The following CPLX2 variants were observed in gnomAD, a reference collection of about 807,000 sequenced individuals.
CPLX2 encodes the protein complexin-2.
Under a neutral mutation model 16.3 loss-of-function variants are expected in CPLX2, and 5 were observed. The ratio of observed to expected loss-of-function variants is 0.31; its 90% CI spans 0.16 to 0.64. The LOEUF (loss-of-function observed/expected upper bound fraction) is 0.64. CPLX2 is among the 30% of genes least tolerant of loss of function. CPLX2 has a pLI of 0.79. For missense variants in CPLX2, 144 were observed against 181.4 expected, an observed-to-expected ratio of 0.79 and a Z score of 1.18; for synonymous variants, 89 against 73.2, an observed-to-expected ratio of 1.22 and a Z score of -1.10.
chr5:175,821,195 AG>A (rs1167132213), intron 2 of CPLX2, among the ~76,000 whole-genome samples: 11 of 151,974 alleles, frequency 7.2e-5, no homozygotes, highest in Non-Finnish European at 1.3e-4. Context: ...CCCCATCCCC[AG>A]GGGCAAGGGC....
intron 1 of CPLX2, among the ~76,000 whole-genome samples, chr5:175,802,615 A>G (rs1561767330): frequency 6.6e-6 from 1 of 152,156 alleles, no homozygotes; most frequent in Non-Finnish European, 1.5e-5. Flanking sequence ...TGGCTCTCAC[A>G]TCAGGAACAC....
At chr5:175,873,234 G>A (rs1426806792) in intron 1 of CPLX2, among the ~76,000 whole-genome samples, 1 of 146,946 alleles carries the variant, frequency 6.8e-6, no homozygotes, top group Non-Finnish European at 1.5e-5. Flanking sequence ...CTGGACCTCA[G>A]CACTCCCGCA....
chr5:175,875,238 G>T (rs1759729978), intron 1 of CPLX2, among the ~76,000 whole-genome samples: 1 of 152,172 alleles, frequency 6.6e-6, no homozygotes, highest in Non-Finnish European at 1.5e-5. Flanking sequence ...TTTAGGGAAG[G>T]AGTTAGAGAA....
intron 1 of CPLX2, among the ~76,000 whole-genome samples, chr5:175,799,544 A>ATATATTTT (rs1238771061): frequency 4.2e-5 from 4 of 94,482 alleles, no homozygotes; most frequent in African/African-American, 1.6e-4. Flanking sequence ...AATTTCATAT[A>ATATATTTT]TATATATATA....
intron 2 of CPLX2, among the ~76,000 whole-genome samples, chr5:175,864,281 G>A (rs921139888): frequency 6.6e-6 from 1 of 152,178 alleles, no homozygotes; most frequent in African/African-American, 2.4e-5. Flanking sequence ...CGTGGCCAGT[G>A]CCCATGGCTG....
At chr5:175,867,968 T>C (rs887532501), upstream of CPLX2, among the ~76,000 whole-genome samples, 3 of 152,210 alleles carry the variant, frequency 2.0e-5, no homozygotes, top group Admixed American at 2.0e-4. Context: ...AGAGCCCTTC[T>C]CTGTGTACCA....
At chr5:175,859,214 T>C (rs545911285) in intron 2 of CPLX2, among the ~76,000 whole-genome samples, 4 of 152,306 alleles carry the variant, frequency 2.6e-5, no homozygotes, top group African/African-American at 9.6e-5. Flanking sequence ...CTTGATGACT[T>C]GGAATCAGGA....
At chr5:175,874,399 C>T (rs1400188159) in intron 1 of CPLX2, among the ~76,000 whole-genome samples, 1 of 152,184 alleles carries the variant, frequency 6.6e-6, no homozygotes, top group Non-Finnish European at 1.5e-5. Context: ...TCTACCTCCC[C>T]AGCCCAACTG....
In CPLX2 at chr5:175,849,589, C is replaced by T. The variant is rs972070183; in HGVS notation, c.-88-29063C>T. ...TGCTACCACGCTGGACAGGGGACCACACTGGCTGGGGGAGCCTTCTCAGGG... is the reference window on the plus strand; with the variant it reads ...TGCTACCACGCTGGACAGGGGACCATACTGGCTGGGGGAGCCTTCTCAGGG... On this transcript the variant is annotated intron_variant, in intron 2 of 4. Transcript: ENST00000359546. This position sits in a 1 kb window ranked among gnomAD's most constrained non-coding sequence, Gnocchi z 4.4. 1.3e-5 allele frequency among the ~76,000 whole-genome samples: 2 copies of T among 152,212 alleles called. No individual in the cohort carries two copies. Among genetic ancestry groups the T allele is most frequent in the Admixed American group, 1.3e-4 (2 of 15,290 alleles).
intron 2 of CPLX2, chr5:175,837,949 G>A (rs1035265246): frequency 3.3e-5 from 5 of 152,170 alleles, no homozygotes; most frequent in African/African-American, 1.2e-4. Flanking sequence ...TTAAAAATAA[G>A]CAAATAAGCA....
intron 2 of CPLX2, among the ~76,000 whole-genome samples, chr5:175,814,887 G>A (rs1167478607): frequency 6.6e-6 from 1 of 152,186 alleles, no homozygotes; most frequent in Non-Finnish European, 1.5e-5. Context: ...GAGACAGCTG[G>A]CTTGGCGTGG....
rs1333279272 is a variant in CPLX2, at chr5:175,872,822, T to A, written c.-89+1117T>A. On this transcript the variant is annotated intron_variant, in intron 1 of 3. Coordinates refer to ENST00000393745, the MANE Select transcript of CPLX2 (RefSeq NM_001008220.2). This position sits in a 1 kb window ranked among gnomAD's most constrained non-coding sequence, Gnocchi z 5.0. ...GTGAATATAGCCCAGACTTGAATCA[T>A]AAAAACAGAAAAACGGCCATAAGGA... The A allele has an allele frequency of 3.3e-5, 5 of 151,996 alleles. No individual in the cohort carries two copies. The highest frequency in any genetic ancestry group is 1.2e-4 in the African/African-American group (5 of 41,386). The allele number at this position is 151,996 out of a possible 1,614,324, so 9.4% of individuals were successfully genotyped here. A position where few individuals can be genotyped will look rare whatever the true frequency, so the allele number is the denominator to read the frequency against.
At chr5:175,823,023 C>A (rs945035862) in intron 2 of CPLX2, among the ~76,000 whole-genome samples, 3 of 152,256 alleles carry the variant, frequency 2.0e-5, no homozygotes, top group African/African-American at 7.2e-5. Context: ...GCCTTCTTAG[C>A]CCTCAGGTGT....
chr5:175,861,238 C>T (rs1292555765), intron 2 of CPLX2, among the ~76,000 whole-genome samples: 1 of 152,136 alleles, frequency 6.6e-6, no homozygotes, highest in Non-Finnish European at 1.5e-5. Flanking sequence ...AAGCCTTGGG[C>T]TTGATGTTGG....
chr5:175,855,397 C>T (rs1443373866), intron 2 of CPLX2, among the ~76,000 whole-genome samples: 1 of 152,226 alleles, frequency 6.6e-6, no homozygotes, highest in African/African-American at 2.4e-5. Context: ...ATGTGAACTA[C>T]TTAGCACAAT....
At chr5:175,842,579 G>A (rs1758964305) in intron 2 of CPLX2, among the ~76,000 whole-genome samples, 1 of 152,226 alleles carries the variant, frequency 6.6e-6, no homozygotes, top group African/African-American at 2.4e-5. Flanking sequence ...CACCATCTCT[G>A]CAGAGTCCAG....
chr5:175,877,300 A>G (rs1755408879), intron 1 of CPLX2, among the ~76,000 whole-genome samples: 1 of 151,130 alleles, frequency 6.6e-6, no homozygotes, highest in African/African-American at 2.4e-5. Flanking sequence ...CTGATCACGT[A>G]GATAAGCTCT....
intron 1 of CPLX2, among the ~76,000 whole-genome samples, chr5:175,803,984 A>C (rs1187918963): frequency 6.6e-6 from 1 of 152,220 alleles, no homozygotes; most frequent in East Asian, 1.9e-4. Context: ...ACATAAGGCC[A>C]CCAGGACTGG....
chr5:175,867,824 T>C (rs948658899), upstream of CPLX2, among the ~76,000 whole-genome samples: 1 of 152,144 alleles, frequency 6.6e-6, no homozygotes, highest in Non-Finnish European at 1.5e-5. Context: ...AATACACCAT[T>C]GCACACTTAT....
Sources: gnomAD v4.1 joint callset for allele counts (sites outside exome capture counted in the v4.1 genomes callset) on GRCh38, gnomAD v4.1.1 for gene constraint, Gnocchi (gnomAD v3.1) non-coding constraint, MANE v1.5 for transcripts, NCBI Gene and HGNC (gene_info 2026-07-23, HGNC 2026-07-21) for gene names.